TTC28: variants seen among roughly 807,000 people sequenced by gnomAD.
The protein encoded by TTC28 is tetratricopeptide repeat protein 28.
A neutral mutation model predicts 198.0 loss-of-function variants in TTC28; 61 were observed. That is an observed-to-expected ratio of 0.31 (90% confidence interval 0.25 to 0.38). The LOEUF (loss-of-function observed/expected upper bound fraction) is 0.38, where lower values mean the gene tolerates loss of function less well. Ranked by LOEUF, TTC28 falls within the 10% of genes least tolerant of loss-of-function variation. The pLI is 1.00. For synonymous variants in TTC28, 1,171 were observed against 1,297.8 expected (o/e 0.90, Z 2.10); for missense variants, 2,678 against 3,164.0 (o/e 0.85, Z 3.69).
chr22:28,095,550 C>T (rs925218665), intron 11 of TTC28, among the ~76,000 whole-genome samples: 1 of 152,144 alleles, frequency 6.6e-6, no homozygotes, highest in Non-Finnish European at 1.5e-5. Context: ...GGTGTGTCTC[C>T]AACTTGGTAA....
chr22:28,487,365 T>C (rs2048325657), intron 2 of TTC28, among the ~76,000 whole-genome samples: 1 of 151,934 alleles, frequency 6.6e-6, no homozygotes, highest in African/African-American at 2.4e-5. Context: ...AAGATTTCAA[T>C]ATATAAATAT....
intron 2 of TTC28, among the ~76,000 whole-genome samples, chr22:28,589,139 T>A (rs1160823965): frequency 6.6e-6 from 1 of 152,186 alleles, no homozygotes; most frequent in Admixed American, 6.5e-5. Context: ...ATTCCTAAAT[T>A]CTAAAGATAG....
chr22:28,387,191 G>T (rs1272941127), intron 2 of TTC28, among the ~76,000 whole-genome samples: 1 of 152,210 alleles, frequency 6.6e-6, no homozygotes, highest in African/African-American at 2.4e-5. Context: ...TTTTATGGCT[G>T]CATAGTATTC....
At chr22:28,197,957 C>T (rs762751379) in intron 5 of TTC28, among the ~76,000 whole-genome samples, 2 of 152,076 alleles carry the variant, frequency 1.3e-5, no homozygotes, top group Non-Finnish European at 2.9e-5. Flanking sequence ...GATTTCACTT[C>T]ACCTTTCAAA....
At chr22:28,491,026 T>C (rs1045471825) in intron 2 of TTC28, among the ~76,000 whole-genome samples, 4 of 152,166 alleles carry the variant, frequency 2.6e-5, no homozygotes, top group South Asian at 2.1e-4. Flanking sequence ...GAGAAGTTTT[T>C]TGGGGGGAAA....
chr22:28,661,604 CAGAT>C (rs918499084), intron 1 of TTC28, among the ~76,000 whole-genome samples: 37 of 151,452 alleles, frequency 2.4e-4, no homozygotes, highest in African/African-American at 9.0e-4. Context: ...GATTGATAGA[CAGAT>C]AGTTTTGTTT....
chr22:28,611,494 C>T (rs919657902), intron 2 of TTC28, among the ~76,000 whole-genome samples: 3 of 60,944 alleles, frequency 4.9e-5, no homozygotes, highest in Non-Finnish European at 8.1e-5. Flanking sequence ...GAAATAAAAG[C>T]CTTTTTTTTA....
At chr22:28,168,941 T>C (rs1922337797) in intron 5 of TTC28, among the ~76,000 whole-genome samples, 1 of 151,986 alleles carries the variant, frequency 6.6e-6, no homozygotes, top group South Asian at 2.1e-4. Context: ...AGGGCTAATA[T>C]CCAGAGTCTA....
intron 5 of TTC28, among the ~76,000 whole-genome samples, chr22:28,248,594 T>G (rs1456603961): frequency 1.3e-5 from 2 of 152,150 alleles, no homozygotes; most frequent in African/African-American, 2.4e-5. Flanking sequence ...ATGATACCAC[T>G]TTGCTGATTG....
intron 5 of TTC28, among the ~76,000 whole-genome samples, chr22:28,231,474 T>C (rs550828097): frequency 6.6e-6 from 1 of 152,346 alleles, no homozygotes; most frequent in East Asian, 1.9e-4. Context: ...TCAAAATATA[T>C]AATTTGCATC....
At chr22:28,165,263 T>C (rs1921789520) in intron 5 of TTC28, among the ~76,000 whole-genome samples, 1 of 152,214 alleles carries the variant, frequency 6.6e-6, no homozygotes, top group Non-Finnish European at 1.5e-5. Flanking sequence ...TGCAGGGTAT[T>C]ATCCAGGAGA....
chr22:28,310,112 C>T (rs1404684325), intron 2 of TTC28, among the ~76,000 whole-genome samples: 1 of 149,654 alleles, frequency 6.7e-6, no homozygotes, highest in Non-Finnish European at 1.5e-5. Context: ...TAAAAATCAA[C>T]AGTGCCAGGC....
At chr22:28,047,397 C>A (rs1358754546) in intron 12 of TTC28, among the ~76,000 whole-genome samples, 1 of 152,124 alleles carries the variant, frequency 6.6e-6, no homozygotes, top group East Asian at 1.9e-4. Flanking sequence ...AAAGAGCAGG[C>A]AAAGCTCATC....
chr22:28,478,664 G>A (rs1442171379), intron 2 of TTC28, among the ~76,000 whole-genome samples: 4 of 152,120 alleles, frequency 2.6e-5, no homozygotes, highest in African/African-American at 9.7e-5. Context: ...TAGGCTATGA[G>A]TTGCTAATTG....
intron 5 of TTC28, among the ~76,000 whole-genome samples, chr22:28,208,552 T>C (rs1019913344): frequency 5.1e-4 from 78 of 152,226 alleles, no homozygotes; most frequent in African/African-American, 1.8e-3. Flanking sequence ...GGAATAAAAA[T>C]GGCCTAACAT....
intron 2 of TTC28, among the ~76,000 whole-genome samples, chr22:28,387,752 T>A (rs1266078481): frequency 6.6e-6 from 1 of 152,244 alleles, no homozygotes; most frequent in East Asian, 1.9e-4. Context: ...TAGCCCTTTG[T>A]CAGATGAGTA....
chr22:28,631,635 C>T (rs1403741090), intron 1 of TTC28, among the ~76,000 whole-genome samples: 3 of 152,020 alleles, frequency 2.0e-5, no homozygotes, highest in Non-Finnish European at 4.4e-5. Flanking sequence ...AGCAGTCTTC[C>T]CACCTCAGCC....
intron 1 of TTC28, among the ~76,000 whole-genome samples, chr22:28,660,609 C>T (rs1276701251): frequency 6.6e-6 from 1 of 151,898 alleles, no homozygotes; most frequent in Non-Finnish European, 1.5e-5. Context: ...CTGCAACCTC[C>T]ACCTCCTGGT....
At chr22:28,082,145 G>GT (rs1941389127) in intron 12 of TTC28, among the ~76,000 whole-genome samples, 1 of 152,168 alleles carries the variant, frequency 6.6e-6, no homozygotes, top group Admixed American at 6.5e-5. Flanking sequence ...AGCTCTAATA[G>GT]TTTTTTGGTA....
Sources: gnomAD v4.1 joint callset for allele counts (sites outside exome capture counted in the v4.1 genomes callset) on GRCh38, gnomAD v4.1.1 for gene constraint, MANE v1.5 for transcripts, NCBI Gene and HGNC (gene_info 2026-07-23, HGNC 2026-07-21) for gene names.